ANKRD55: variants seen among roughly 807,000 people sequenced by gnomAD.
ANKRD55 encodes the protein ankyrin repeat domain 55.
Under a neutral mutation model 60.6 loss-of-function variants are expected in ANKRD55, and 41 were observed. The ratio of observed to expected loss-of-function variants is 0.68; its 90% confidence interval spans 0.53 to 0.88. The LOEUF (loss-of-function observed/expected upper bound fraction) is 0.88, where lower values mean the gene tolerates loss of function less well. ANKRD55 is among the 40% of genes least tolerant of loss of function. ANKRD55 has a pLI of 0.00. For synonymous variants in ANKRD55, 264 were observed against 290.3 expected (o/e 0.91, Z 0.92); for missense variants, 732 against 767.6 (o/e 0.95, Z 0.55).
intron 7 of ANKRD55, 134 bp downstream of exon 7, chr5:56,143,667 G>T: frequency 7.7e-7 from 1 of 1,294,522 alleles, no homozygotes; most frequent in East Asian, 2.3e-5. Context: ...TCTTGGCAGG[G>T]TTTCTTTTCA....
At chr5:56,177,528 G>A (rs1184335771) in intron 3 of ANKRD55, among the ~76,000 whole-genome samples, 1 of 152,120 alleles carries the variant, frequency 6.6e-6, no homozygotes, top group Non-Finnish European at 1.5e-5. Context: ...TGTAATCCCA[G>A]CACTTTGGGA....
chr5:56,122,969 T>A (rs1160320594), intron 8 of ANKRD55, among the ~76,000 whole-genome samples: 1 of 151,958 alleles, frequency 6.6e-6, no homozygotes, highest in Non-Finnish European at 1.5e-5. Flanking sequence ...TTTCGCCATG[T>A]TGCCAAGGCT....
At chr5:56,102,470 C>A (rs1430332596) in intron 11 of ANKRD55, 24 bp downstream of exon 11, 1 of 1,486,218 alleles carries the variant, frequency 6.7e-7, no homozygotes, top group Non-Finnish European at 9.4e-7. Context: ...GCAAAGGAAG[C>A]TGCGGAAGAT....
At chr5:56,122,467 A>G (rs2111707578) in intron 8 of ANKRD55, among the ~76,000 whole-genome samples, 1 of 151,906 alleles carries the variant, frequency 6.6e-6, no homozygotes, top group East Asian at 2.0e-4. Context: ...TCTGGCCAAC[A>G]TGGTGAAACC....
intron 4 of ANKRD55, among the ~76,000 whole-genome samples, chr5:56,173,582 C>CTATATATATATATATATA (rs1182603115): frequency 2.2e-5 from 1 of 45,244 alleles, no homozygotes; most frequent in Non-Finnish European, 3.8e-5. Context: ...CTCTCTCTCT[C>CTATATATATATATATATA]TATATATATA....
intron 2 of ANKRD55, among the ~76,000 whole-genome samples, chr5:56,222,511 T>C (rs1375984780): frequency 1.3e-5 from 2 of 151,908 alleles, no homozygotes; most frequent in African/African-American, 2.4e-5. Context: ...CTTTGATGAG[T>C]TGAGAGAAAA....
chr5:56,135,814 G>A (rs1757583132), intron 7 of ANKRD55, among the ~76,000 whole-genome samples: 1 of 152,150 alleles, frequency 6.6e-6, no homozygotes, highest in African/African-American at 2.4e-5. Flanking sequence ...AAATCTGAAA[G>A]AATAGACAAA....
chr5:56,145,197 G>A (rs2111763152), intron 6 of ANKRD55, among the ~76,000 whole-genome samples: 1 of 152,258 alleles, frequency 6.6e-6, no homozygotes, highest in African/African-American at 2.4e-5. Context: ...TAAGTACTGT[G>A]GTGATGTCTC....
At chr5:56,125,446 A>G (rs1757217820) in intron 8 of ANKRD55, among the ~76,000 whole-genome samples, 2 of 151,716 alleles carry the variant, frequency 1.3e-5, no homozygotes, top group Admixed American at 6.6e-5. Flanking sequence ...ACACCTGGCT[A>G]ATTTTTGTAT....
rs751109287 is a variant in ANKRD55 at position 56,126,918 on chromosome 5, A to C, written c.797+4T>G. On this transcript the variant is annotated splice_donor_region_variant and intron_variant, in intron 8 of 11. Coordinates refer to ENST00000341048, the MANE Select transcript of ANKRD55 (RefSeq NM_024669.3). ...TCCCAGCACTTTCTGGTTACCATGG[A>C]TACCTGTCATCCACATCCAGAGCCT... 1 of 1,596,014 alleles carries C rather than the reference A, an allele frequency of 6.3e-7. No individual in the cohort carries two copies. The highest frequency in any genetic ancestry group is 1.7e-5 in the Admixed American group (1 of 57,418).
At position 56,205,773 on chromosome 5, in the gene ANKRD55, T is replaced by C. The variant is rs1463345187; in HGVS notation, c.59-22139A>G. Reference sequence around the variant, plus strand: ...AGTGCCTTGGTCTCCTGAAAATAGTTTAAGAAAACAAGTGTAATTTGGGTG... The same window carrying C: ...AGTGCCTTGGTCTCCTGAAAATAGTCTAAGAAAACAAGTGTAATTTGGGTG... On this transcript the variant is annotated intron_variant, in intron 2 of 11. Coordinates refer to ENST00000341048, the MANE Select transcript of ANKRD55 (RefSeq NM_024669.3). Among the ~76,000 whole-genome samples, 8 of 152,200 alleles carry C rather than the reference T, an allele frequency of 5.3e-5. No individual in the cohort carries two copies. In the East Asian group the frequency reaches 1.5e-3, roughly 29 times the overall value.
rs553986041 is a variant in ANKRD55, at chr5:56,179,822, TATG to T, written c.182-3543_182-3541del. Among the ~76,000 whole-genome samples the T allele has an allele frequency of 2.4e-3, 367 of 152,318 alleles. 2 individuals are homozygous for T. Among genetic ancestry groups the T allele is most frequent in the Non-Finnish European group, 2.6e-3 (174 of 68,028 alleles). On this transcript the variant is annotated intron_variant, in intron 3 of 11. Coordinates refer to ENST00000341048, the MANE Select transcript of ANKRD55 (RefSeq NM_024669.3). ...TGGTGCAAAGTAATTACAGTAAGGT[TATG>T]AAATTCCAAAAGCAACAATAATAGC...
At chr5:56,207,529 T>C (rs1197329812) in intron 2 of ANKRD55, among the ~76,000 whole-genome samples, 2 of 152,216 alleles carry the variant, frequency 1.3e-5, no homozygotes, top group African/African-American at 4.8e-5. Flanking sequence ...CTAGATGGTA[T>C]AGCCCACTAC....
chr5:56,161,739 T>C (rs1384503479), intron 5 of ANKRD55, among the ~76,000 whole-genome samples: 1 of 152,124 alleles, frequency 6.6e-6, no homozygotes, highest in Non-Finnish European at 1.5e-5. Context: ...AGTAACGCAG[T>C]GGTGTAAAGG....
rs370942195 is a variant in ANKRD55 at position 56,111,636 on chromosome 5, C to A, written c.1112G>T (p.Arg371Ile). 1.3e-6 allele frequency: 2 copies of A among 1,555,592 alleles called. No homozygotes were observed. Among genetic ancestry groups the A allele is most frequent in the South Asian group, 2.5e-5 (2 of 78,630 alleles). ...ATTGACTTCTGAGGTGTCCTCCTCT[C>A]TGTATCGGTCCCTGCTGGGATCCTT... ...HQKDPSRDRY[R>I]EEDTSEVNDI... The change falls in exon 10 of 12, where the codon AGA becomes ATA. Residue 371 changes from arginine to isoleucine, a missense_variant. Arg to Ile is a moderately conservative substitution (Grantham distance 97). This residue lies in a region of ANKRD55 where 597 missense variants were observed against 607.5 expected (regional missense o/e 0.98). Transcript: ENST00000341048.
intron 2 of ANKRD55, among the ~76,000 whole-genome samples, chr5:56,188,745 T>A (rs1759028837): frequency 6.6e-6 from 1 of 152,246 alleles, no homozygotes; most frequent in Non-Finnish European, 1.5e-5. Context: ...TGAAGTCAAG[T>A]AATGTGATGC....
chr5:56,119,866 C>G (rs957095661), intron 8 of ANKRD55, among the ~76,000 whole-genome samples: 2 of 151,874 alleles, frequency 1.3e-5, no homozygotes, highest in African/African-American at 4.8e-5. Context: ...TTCAGTGAGC[C>G]GAGATCCTGC....
At chr5:56,130,556 C>T (rs1757382204) in intron 7 of ANKRD55, among the ~76,000 whole-genome samples, 1 of 152,304 alleles carries the variant, frequency 6.6e-6, no homozygotes, top group East Asian at 1.9e-4. Flanking sequence ...TACAGGAGTT[C>T]CTCTTACCCA....
chr5:56,182,474 A>ATTTTTTTC (rs983372803), intron 3 of ANKRD55, among the ~76,000 whole-genome samples: 4 of 151,678 alleles, frequency 2.6e-5, no homozygotes, highest in African/African-American at 9.7e-5. Flanking sequence ...GAGACTTTCT[A>ATTTTTTTC]TTTTTTTCTT....
Sources: gnomAD v4.1 joint callset for allele counts (sites outside exome capture counted in the v4.1 genomes callset) on GRCh38, gnomAD v4.1.1 for gene constraint, gnomAD v4.1.1 regional missense constraint, MANE v1.5 for transcripts, NCBI Gene and HGNC (gene_info 2026-07-23, HGNC 2026-07-21) for gene names.